Variants in APOH observed in about 807,000 individuals in gnomAD.
The protein encoded by APOH is beta-2-glycoprotein 1.
In APOH, 48 loss-of-function variants were observed where a neutral mutation model predicts 39.8. The observed-to-expected ratio is 1.21, with a 90% CI of 0.96 to 1.54. APOH has a LOEUF of 1.54. APOH is among the 40% of genes most tolerant of loss of function. APOH has a pLI of 0.00. For missense variants in APOH, 415 were observed against 421.2 expected (o/e 0.99, Z 0.13); for synonymous variants, 153 against 151.1 (o/e 1.01, Z -0.09).
chr17:66,215,298 G>C (rs191671034), intron 6 of APOH, among the ~76,000 whole-genome samples: 1 of 152,138 alleles, frequency 6.6e-6, no homozygotes, highest in South Asian at 2.1e-4. Flanking sequence ...TCCCTGGCTC[G>C]GCAGCATTAG....
chr17:66,224,085 G>A lies in APOH; in HGVS notation c.339-311C>T, dbSNP rs116756344. ...CAAAGAACCATCTCTTTTTCAGGATGACAAAAGTGAACCAAACTGAGTAAT... is the reference window on the plus strand; with the variant it reads ...CAAAGAACCATCTCTTTTTCAGGATAACAAAAGTGAACCAAACTGAGTAAT... On this transcript the variant is annotated intron_variant, in intron 3 of 7. Coordinates refer to ENST00000205948, the MANE Select transcript of APOH (RefSeq NM_000042.3). Among the ~76,000 whole-genome samples, 549 of 152,260 alleles carry A rather than the reference G, an allele frequency of 3.6e-3. 5 individuals carry two copies. Among genetic ancestry groups the A allele is most frequent in the African/African-American group, 0.012 (510 of 41,540 alleles).
chr17:66,217,860 T>C (rs1053871533), intron 5 of APOH, among the ~76,000 whole-genome samples: 1 of 151,724 alleles, frequency 6.6e-6, no homozygotes, highest in Non-Finnish European at 1.5e-5. Context: ...GGAGAATCAC[T>C]CAAACCCAGG....
At chr17:66,215,615 G>A (rs2146991460) in intron 6 of APOH, among the ~76,000 whole-genome samples, 3 of 152,292 alleles carry the variant, frequency 2.0e-5, no homozygotes, top group Middle Eastern at 6.8e-3. Context: ...TCCTCTTTCT[G>A]CTTAAACTGT....
At chr17:66,215,414 C>G (rs2073358962) in intron 6 of APOH, among the ~76,000 whole-genome samples, 1 of 152,174 alleles carries the variant, frequency 6.6e-6, no homozygotes, top group African/African-American at 2.4e-5. Context: ...TTAAAACAAG[C>G]CTTCCAGGTG....
At position 66,212,084 on chromosome 17, in the gene APOH, G is replaced by A; in HGVS notation, c.*49C>T. The A allele has an allele frequency of 1.3e-6, 2 of 1,485,772 alleles. No individual in the cohort carries two copies. Among genetic ancestry groups the A allele is most frequent in the Non-Finnish European group, 1.9e-6 (2 of 1,064,910 alleles). 92.0% of individuals were successfully genotyped at this position (1,485,772 alleles called of 1,614,324 possible). A position where few individuals can be genotyped will look rare whatever the true frequency, so the allele number is the denominator to read the frequency against. On this transcript the variant is annotated 3_prime_UTR_variant, in exon 8 of 8. Transcript: ENST00000205948. The stretch of plus-strand genomic sequence containing the variant: ...TTTTAAATTTCAATTAGGTTCCTTG[G>A]ATGAACAAGAAACAAGTGTGACATT...
At chr17:66,212,609 C>G (rs915563910) in intron 7 of APOH, among the ~76,000 whole-genome samples, 16 of 152,178 alleles carry the variant, frequency 1.1e-4, no homozygotes, top group Non-Finnish European at 1.8e-4. Flanking sequence ...GGCCTCCTGA[C>G]CTCAAGTGAT....
rs182061059 is a variant in APOH at position 66,223,988 on chromosome 17, G to A, written c.339-214C>T. Among the ~76,000 whole-genome samples the A allele has an allele frequency of 1.4e-3, 211 of 152,318 alleles. 3 individuals carry two copies. In the South Asian group the frequency reaches 0.019, roughly 14 times the overall value. On this transcript the variant is annotated intron_variant, in intron 3 of 7. Coordinates refer to ENST00000205948, the MANE Select transcript of APOH (RefSeq NM_000042.3). ...ATCACTGCAGGGTTCCACAGCTGGTGAGTGGAGAATCCAAACCCTTAAATC... is the reference window on the plus strand; with the variant it reads ...ATCACTGCAGGGTTCCACAGCTGGTAAGTGGAGAATCCAAACCCTTAAATC...
chr17:66,227,566 A>G (rs1395113347), intron 2 of APOH, among the ~76,000 whole-genome samples: 1 of 152,184 alleles, frequency 6.6e-6, no homozygotes, highest in African/African-American at 2.4e-5. Flanking sequence ...CTTGTATTTC[A>G]TTATAATATA....
chr17:66,214,353 C>A, intron 7 of APOH, 100 bp downstream of exon 7: 1 of 1,177,090 alleles, frequency 8.5e-7, no homozygotes, highest in Non-Finnish European at 1.3e-6. Flanking sequence ...CCCACCGCAC[C>A]TGGCCTCATC....
intron 7 of APOH, among the ~76,000 whole-genome samples, chr17:66,212,863 C>G (rs2073344319): frequency 6.6e-6 from 1 of 152,114 alleles, no homozygotes; most frequent in South Asian, 2.1e-4. Context: ...TTCAATTATT[C>G]TTTTCTCACA....
At position 66,223,583 on chromosome 17, in the gene APOH, G is replaced by A; in HGVS notation, c.415+115C>T. On this transcript the variant is annotated intron_variant, in intron 4 of 7. Transcript: ENST00000205948. ...TACCAGGATGAATATCCCCCACAAGGGTGACCATTCATCTCATTGAGCTGT... is the reference window on the plus strand; with the variant it reads ...TACCAGGATGAATATCCCCCACAAGAGTGACCATTCATCTCATTGAGCTGT... 4.5e-6 allele frequency: 4 copies of A among 879,626 alleles called. No individual in the cohort carries two copies. In the East Asian group the frequency reaches 7.3e-5, roughly 16 times the overall value. The allele number at this position is 879,626 out of a possible 1,614,324, so 54.5% of individuals were successfully genotyped here.
intron 3 of APOH, among the ~76,000 whole-genome samples, chr17:66,225,776 C>T (rs1368709757): frequency 1.1e-4 from 16 of 151,984 alleles, no homozygotes; most frequent in African/African-American, 7.3e-5. Context: ...ACTCAGGAGG[C>T]TGAGGCAGGA....
intron 7 of APOH, among the ~76,000 whole-genome samples, chr17:66,214,235 T>G (rs1057075555): frequency 6.6e-6 from 1 of 152,152 alleles, no homozygotes; most frequent in Non-Finnish European, 1.5e-5. Flanking sequence ...ATTTTTGTAT[T>G]TTTAGTAGAG....
At position 66,228,240 on chromosome 17, in the gene APOH, C is replaced by T; in HGVS notation, c.65-44G>A. Reference sequence around the variant, plus strand: ...CAGATGGTTAACAAATCTCTATTTGCATTTTAAAGTTCAGCTAAGCCCACA... The same window carrying T: ...CAGATGGTTAACAAATCTCTATTTGTATTTTAAAGTTCAGCTAAGCCCACA... On this transcript the variant is annotated intron_variant, in intron 1 of 7. Coordinates refer to ENST00000205948, the MANE Select transcript of APOH (RefSeq NM_000042.3). 5 of 1,581,420 alleles carry T rather than the reference C, an allele frequency of 3.2e-6. No homozygotes were observed. In the East Asian group the frequency reaches 1.1e-4, roughly 36 times the overall value.
In APOH at chr17:66,229,312, T is replaced by C. The variant is rs1365948087; in HGVS notation, c.64+4A>G. On this transcript the variant is annotated splice_donor_region_variant and intron_variant, in intron 1 of 7. Coordinates refer to ENST00000205948, the MANE Select transcript of APOH (RefSeq NM_000042.3). ...TTATTTTTTCAAAAGCAAAAAGTAC[T>C]TACTCCGTCCTGCAATAGCAACATG... 1.9e-6 allele frequency: 3 copies of C among 1,612,682 alleles called. No individual in the cohort carries two copies. Among genetic ancestry groups the C allele is most frequent in the Non-Finnish European group, 2.5e-6 (3 of 1,179,066 alleles).
intron 7 of APOH, among the ~76,000 whole-genome samples, chr17:66,213,806 T>G (rs2073348671): frequency 6.6e-6 from 1 of 152,014 alleles, no homozygotes; most frequent in Non-Finnish European, 1.5e-5. Flanking sequence ...GACATGGTGG[T>G]GCGTGCATGT....
At chr17:66,217,353 C>CCT (rs905390472) in intron 5 of APOH, among the ~76,000 whole-genome samples, 23 of 145,182 alleles carry the variant, frequency 1.6e-4, no homozygotes, top group Non-Finnish European at 3.2e-4. Context: ...AACCCCCCCC[C>CCT]CCATTCACAC....
At chr17:66,224,280 G>A (rs1292138023) in intron 3 of APOH, among the ~76,000 whole-genome samples, 2 of 151,614 alleles carry the variant, frequency 1.3e-5, no homozygotes, top group Non-Finnish European at 2.9e-5. Flanking sequence ...GTTTGAGCCT[G>A]GGCAATGTGG....
chr17:66,225,277 G>A (rs1421105440), intron 3 of APOH, among the ~76,000 whole-genome samples: 1 of 152,010 alleles, frequency 6.6e-6, no homozygotes, highest in Non-Finnish European at 1.5e-5. Context: ...GGGTGCCTTT[G>A]CTCCTTATGA....
Sources: gnomAD v4.1 joint callset for allele counts (sites outside exome capture counted in the v4.1 genomes callset) on GRCh38, gnomAD v4.1.1 for gene constraint, MANE v1.5 for transcripts, NCBI Gene and HGNC (gene_info 2026-07-23, HGNC 2026-07-21) for gene names.